IL20RB: variants seen among roughly 807,000 people sequenced by gnomAD.
The protein encoded by IL20RB is interleukin 20 receptor subunit beta.
IL20RB carries 21 observed loss-of-function variants against 33.3 expected under a neutral mutation model. That is an observed-to-expected ratio of 0.63 (90% CI 0.45 to 0.91). The LOEUF (loss-of-function observed/expected upper bound fraction) is 0.91. Ranked by LOEUF, IL20RB falls within the 40% of genes least tolerant of loss-of-function variation. IL20RB has a pLI of 0.00. For synonymous variants in IL20RB, 147 were observed against 146.8 expected (o/e 1.00, Z -0.01); for missense variants, 345 against 384.8 (o/e 0.90, Z 0.86).
chr3:136,989,863 C>A lies in IL20RB; in HGVS notation c.531+298C>A, dbSNP rs115226353. The stretch of plus-strand genomic sequence containing the variant: ...TTGGACCACAATATCTTTTCAATGC[C>A]TTTTTTCTCCCTCATCAGCTCATCT... On this transcript the variant is annotated intron_variant, in intron 4 of 6. Coordinates refer to ENST00000329582, the MANE Select transcript of IL20RB (RefSeq NM_144717.4). 9.6e-3 allele frequency among the ~76,000 whole-genome samples: 1,456 copies of A among 152,216 alleles called. 34 individuals are homozygous for A. The highest frequency in any genetic ancestry group is 0.033 in the African/African-American group (1,390 of 41,532).
intron 3 of IL20RB, among the ~76,000 whole-genome samples, chr3:136,988,622 A>T (rs1016481346): frequency 3.3e-5 from 5 of 152,112 alleles, no homozygotes; most frequent in Non-Finnish European, 7.4e-5. Flanking sequence ...GTGTGCCTGT[A>T]GTTCCAGCTA....
chr3:136,970,449 T>G (rs1396144232), intron 1 of IL20RB, among the ~76,000 whole-genome samples: 3 of 152,156 alleles, frequency 2.0e-5, no homozygotes, highest in Non-Finnish European at 1.5e-5. Context: ...AAAAAGCAGT[T>G]GAGCACATTT....
chr3:136,995,608 T>A lies in IL20RB; in HGVS notation c.825+52T>A, dbSNP rs372075175. On this transcript the variant is annotated intron_variant, in intron 6 of 6. Coordinates refer to ENST00000329582, the MANE Select transcript of IL20RB (RefSeq NM_144717.4). ...CAGTATAACACTGACCAGATGTAGT[T>A]TGGGCCTTAGCTGGGCATGGGCACA... 1.2e-4 allele frequency: 189 copies of A among 1,589,110 alleles called. 2 individuals carry two copies. In the South Asian group the frequency reaches 2.1e-3, roughly 18 times the overall value.
At chr3:136,997,460 T>G (rs985619654) in intron 6 of IL20RB, among the ~76,000 whole-genome samples, 1 of 152,188 alleles carries the variant, frequency 6.6e-6, no homozygotes, top group African/African-American at 2.4e-5. Context: ...ATTCATATTT[T>G]GACATTTAAA....
chr3:136,962,470 T>A (rs569332802), intron 1 of IL20RB, among the ~76,000 whole-genome samples: 2 of 151,986 alleles, frequency 1.3e-5, no homozygotes, highest in East Asian at 3.9e-4. Flanking sequence ...AATGTCAAGG[T>A]CGGCCAGGCG....
intron 5 of IL20RB, among the ~76,000 whole-genome samples, chr3:136,994,025 T>C (rs1250136730): frequency 3.5e-5 from 5 of 142,322 alleles, no homozygotes; most frequent in Non-Finnish European, 6.2e-5. Context: ...AAAAAAAAAA[T>C]CTATATGTCA....
intron 1 of IL20RB, among the ~76,000 whole-genome samples, chr3:136,975,321 C>CATTT (rs1470611554): frequency 6.6e-6 from 1 of 151,702 alleles, no homozygotes; most frequent in Non-Finnish European, 1.5e-5. Context: ...CAGCATTTGG[C>CATTT]ATTTATTTAT....
chr3:136,977,122 A>G (rs905716506), intron 1 of IL20RB, among the ~76,000 whole-genome samples: 10 of 152,214 alleles, frequency 6.6e-5, no homozygotes, highest in African/African-American at 2.4e-4. Context: ...TAATGTATTC[A>G]AAGTGTGACT....
intron 1 of IL20RB, among the ~76,000 whole-genome samples, chr3:136,975,584 G>A (rs1941595819): frequency 6.6e-6 from 1 of 152,166 alleles, no homozygotes; most frequent in South Asian, 2.1e-4. Flanking sequence ...TGATCCACCT[G>A]CCTCTGCCTC....
At chr3:136,982,474 C>T in intron 3 of IL20RB, 124 bp downstream of exon 3, 1 of 639,618 alleles carries the variant, frequency 1.6e-6, no homozygotes, top group Non-Finnish European at 2.6e-6. Flanking sequence ...GTATTGTGAA[C>T]ACAAACAACC....
intron 1 of IL20RB, 110 bp downstream of exon 1, chr3:136,958,311 A>G (rs929597224): frequency 1.1e-5 from 7 of 635,010 alleles, no homozygotes; most frequent in South Asian, 3.8e-5. Flanking sequence ...AGAATATCGT[A>G]TATCTGTTTT....
intron 6 of IL20RB, among the ~76,000 whole-genome samples, chr3:137,006,517 A>G (rs1942353197): frequency 6.6e-6 from 1 of 151,592 alleles, no homozygotes; most frequent in African/African-American, 2.4e-5. Context: ...TTTCATTAAT[A>G]TGATCTTCAG....
rs756453430 is a variant in IL20RB, at chr3:136,995,498, A to G, written c.767A>G (p.Lys256Arg). 1 of 1,614,110 alleles carries G rather than the reference A, an allele frequency of 6.2e-7. No individual in the cohort carries two copies. Among genetic ancestry groups the G allele is most frequent in the South Asian group, 1.1e-5 (1 of 91,074 alleles). ...GTGGTCGTGCCACTGTTCGTCTGGA[A>G]AATGGGCCGGCTGCTCCAGTACTCC... is the stretch of plus-strand genomic sequence containing the variant. The part of the protein sequence containing the change: ...ILVVVPLFVW[K>R]MGRLLQYSCC... Residue 256 changes from lysine to arginine, a missense_variant, in exon 6 of 7, where the codon AAA becomes AGA. Lys to Arg is a conservative substitution (Grantham distance 26, BLOSUM62 2). Transcript: ENST00000329582.
At chr3:136,979,152 G>A (rs746449809) in intron 1 of IL20RB, among the ~76,000 whole-genome samples, 4 of 152,088 alleles carry the variant, frequency 2.6e-5, no homozygotes, top group Non-Finnish European at 5.9e-5. Context: ...TCCCTTGGGT[G>A]ATTTCAAGCT....
chr3:136,980,516 A>G lies in IL20RB; in HGVS notation c.139A>G (p.Asn47Asp). Residue 47 changes from asparagine to aspartate, a missense_variant, in exon 2 of 7, where the codon AAC becomes GAC. Asn to Asp is a conservative substitution (Grantham distance 23). Coordinates refer to ENST00000329582, the MANE Select transcript of IL20RB (RefSeq NM_144717.4). ...TCAGAACCTCTCTGTACTCTCAACC[A>G]ACATGAAGCATCTCTTGATGTGGAG... ...APQNLSVLSTNMKHLLMWSPV... is the reference protein window; with the variant it reads ...APQNLSVLSTDMKHLLMWSPV... 6.2e-7 allele frequency: 1 copy of G among 1,614,206 alleles called. No individual in the cohort carries two copies. The highest frequency in any genetic ancestry group is 8.5e-7 in the Non-Finnish European group (1 of 1,180,020).
chr3:136,991,507 G>A lies in IL20RB; in HGVS notation c.532-431G>A, dbSNP rs557241854. Among the ~76,000 whole-genome samples the A allele has an allele frequency of 1.1e-3, 163 of 152,330 alleles. 1 individual carries two copies. Among genetic ancestry groups the A allele is most frequent in the Non-Finnish European group, 2.1e-3 (142 of 68,034 alleles). On this transcript the variant is annotated intron_variant, in intron 4 of 6. Transcript: ENST00000329582. ...CCTGAATGAATGTATGTGTGAGAGG[G>A]AACATTCTGTGTGCATCTGGAAAGG...
At chr3:136,970,076 GTTTTTTT>G (rs957632759) in intron 1 of IL20RB, among the ~76,000 whole-genome samples, 4 of 150,118 alleles carry the variant, frequency 2.7e-5, no homozygotes, top group African/African-American at 9.8e-5. Flanking sequence ...TGTTTAAAGC[GTTTTTTT>G]TGTTTTTTGT....
chr3:136,984,776 G>A (rs999889342), intron 3 of IL20RB, among the ~76,000 whole-genome samples: 1 of 152,116 alleles, frequency 6.6e-6, no homozygotes, highest in Non-Finnish European at 1.5e-5. Flanking sequence ...GGAATGGAAT[G>A]GAATGACTTC....
intron 1 of IL20RB, among the ~76,000 whole-genome samples, chr3:136,966,339 G>T (rs1941351015): frequency 1.3e-5 from 1 of 79,548 alleles, no homozygotes; most frequent in Non-Finnish European, 2.4e-5. Flanking sequence ...ACTCTTTTTG[G>T]TTGGTAAACT....
Sources: gnomAD v4.1 joint callset for allele counts (sites outside exome capture counted in the v4.1 genomes callset) on GRCh38, gnomAD v4.1.1 for gene constraint, MANE v1.5 for transcripts, NCBI Gene and HGNC (gene_info 2026-07-23, HGNC 2026-07-21) for gene names.